The following ZMYND19 variants were observed in gnomAD, a reference collection of about 807,000 sequenced individuals.
The protein encoded by ZMYND19 is zinc finger MYND domain-containing protein 19.
ZMYND19 carries 17 observed loss-of-function variants against 32.0 expected under a neutral mutation model. That is an observed-to-expected ratio of 0.53 (90% CI 0.36 to 0.80). The LOEUF is 0.80. ZMYND19 is among the 30% of genes least tolerant of loss of function. The pLI, the probability that ZMYND19 is intolerant of heterozygous loss-of-function variation, is 0.00. For missense variants in ZMYND19, 250 were observed against 293.6 expected (o/e 0.85, Z 1.09); for synonymous variants, 124 against 113.6 (o/e 1.09, Z -0.58).
At chr9:137,586,579 G>A (rs1392382319) in intron 4 of ZMYND19, among the ~76,000 whole-genome samples, 1 of 150,198 alleles carries the variant, frequency 6.7e-6, no homozygotes, top group Non-Finnish European at 1.5e-5. Context: ...CCTGAGGTGA[G>A]CAGAGAAGGA....
rs1271837832 is a variant in ZMYND19, at chr9:137,590,131, G to C, written c.51+82C>G. 3 of 959,972 alleles carry C rather than the reference G, an allele frequency of 3.1e-6. No individual in the cohort carries two copies. The African/African-American group carries it at 6.8e-5, about 22-fold the overall frequency. The allele number at this position is 959,972 out of a possible 1,614,324, so 59.5% of individuals were successfully genotyped here. A position where few individuals can be genotyped will look rare whatever the true frequency, so the allele number is the denominator to read the frequency against. ...CGGGCTCCGCGCCCCCGCCCCGGCC[G>C]CCGCCCGCACAACCGCCCCCGGCCC... On this transcript the variant is annotated intron_variant, in intron 1 of 5. Transcript: ENST00000298585. The surrounding 1 kb of genome is among the most constrained non-coding windows in gnomAD (Gnocchi z 4.2).
chr9:137,588,534 C>A (rs775608682), intron 2 of ZMYND19, 125 bp downstream of exon 2: 1 of 1,080,740 alleles, frequency 9.3e-7, no homozygotes, highest in Admixed American at 1.9e-5. Flanking sequence ...GGCTCACAGG[C>A]CAGCACCAGT....
chr9:137,582,349 C>T lies in ZMYND19; in HGVS notation c.*194G>A, dbSNP rs980548190. On this transcript the variant is annotated 3_prime_UTR_variant, in exon 6 of 6. Transcript: ENST00000298585. ...GAACCGTCCTGGTGGGAGCCTCCTC[C>T]GTTGTCTCTGCTGGAGATGAACACT... is the stretch of plus-strand genomic sequence containing the variant. The T allele has an allele frequency of 7.4e-6, 5 of 675,174 alleles. No individual in the cohort carries two copies. Among genetic ancestry groups the T allele is most frequent in the African/African-American group, 3.6e-5 (2 of 54,902 alleles). The allele number at this position is 675,174 out of a possible 1,614,324, so 41.8% of individuals were successfully genotyped here. A position where few individuals can be genotyped will look rare whatever the true frequency, so the allele number is the denominator to read the frequency against.
chr9:137,589,897 A>T (rs1842251390), intron 1 of ZMYND19: 4 of 985,230 alleles, frequency 4.1e-6, no homozygotes, highest in South Asian at 9.4e-5. Context: ...GGGCTCCGGG[A>T]GAACGCGGCT....
rs182590583 is a variant in ZMYND19, at chr9:137,586,213, A to G, written c.359+754T>C. Among the ~76,000 whole-genome samples, 12 of 152,376 alleles carry G rather than the reference A, an allele frequency of 7.9e-5. No individual in the cohort carries two copies. The East Asian group carries it at 1.7e-3, about 22-fold the overall frequency. On this transcript the variant is annotated intron_variant, in intron 4 of 5. Coordinates refer to ENST00000298585, the MANE Select transcript of ZMYND19 (RefSeq NM_138462.3). The stretch of plus-strand genomic sequence containing the variant: ...TTTGCTTAAGGAAAACTGTTTAGCA[A>G]AAGAACACAACAAAAAGACCCATCT...
chr9:137,587,758 G>A lies in ZMYND19; in HGVS notation c.177C>T (p.Asn59=). 1.9e-6 allele frequency: 3 copies of A among 1,614,160 alleles called. No homozygotes were observed. Among genetic ancestry groups the A allele is most frequent in the Non-Finnish European group, 2.5e-6 (3 of 1,180,028 alleles). The part of the protein sequence containing the change: ...AKIFAYAFDK[N]RGRGSGRLLH... ...GGAGTCTCCCAGAGCCCCTTCCTCG[G>A]TTCTTGTCAAAGGCATAGGCAAATA... Residue 59 remains asparagine (N), a synonymous_variant, in exon 3 of 6, where the codon AAC becomes AAT. Transcript: ENST00000298585.
At chr9:137,584,726 T>C (rs1389191642) in intron 4 of ZMYND19, among the ~76,000 whole-genome samples, 1 of 152,068 alleles carries the variant, frequency 6.6e-6, no homozygotes, top group Non-Finnish European at 1.5e-5. Flanking sequence ...TGTAGAAAAG[T>C]GATTCTAAGC....
chr9:137,587,250 G>A (rs1325080668), intron 3 of ZMYND19, 143 bp from the exon 4 acceptor site: 1 of 1,365,522 alleles, frequency 7.3e-7, no homozygotes, highest in Admixed American at 2.5e-5. Context: ...TTTGGATGAG[G>A]GTACCTCAGG....
At chr9:137,587,876 A>G (rs552135878) in intron 2 of ZMYND19, 53 bp from the exon 3 acceptor site, 16 of 1,537,468 alleles carry the variant, frequency 1.0e-5, no homozygotes, top group East Asian at 4.5e-5. Context: ...TCTCAGCAAC[A>G]CTTCAATTCC....
chr9:137,582,903 G>A (rs1006381646), intron 5 of ZMYND19, 80 bp downstream of exon 5: 17 of 1,569,054 alleles, frequency 1.1e-5, no homozygotes, highest in Admixed American at 5.2e-5. Flanking sequence ...GGGACCCCGC[G>A]GTGGAGGGCA....
At chr9:137,585,349 G>A (rs1436534775) in intron 4 of ZMYND19, among the ~76,000 whole-genome samples, 1 of 151,050 alleles carries the variant, frequency 6.6e-6, no homozygotes, top group African/African-American at 2.4e-5. Context: ...GAACTGGGCA[G>A]GCAGAAGCTA....
intron 4 of ZMYND19, among the ~76,000 whole-genome samples, chr9:137,585,996 T>C (rs938372732): frequency 6.6e-6 from 1 of 152,218 alleles, no homozygotes; most frequent in African/African-American, 2.4e-5. Context: ...CTGGCTCAAC[T>C]GGGCTCCCAA....
chr9:137,588,855 G>A lies in ZMYND19; in HGVS notation c.52-137C>T, dbSNP rs977398852. Reference sequence around the variant, plus strand: ...GTAACTACAGGCCTCTTCAGACCAAGACAGCTCAGCACATGGGGGCCTCAT... The same window carrying A: ...GTAACTACAGGCCTCTTCAGACCAAAACAGCTCAGCACATGGGGGCCTCAT... On this transcript the variant is annotated intron_variant, in intron 1 of 5. Coordinates refer to ENST00000298585, the MANE Select transcript of ZMYND19 (RefSeq NM_138462.3). 1.8e-4 allele frequency: 167 copies of A among 925,004 alleles called. No homozygotes were observed. In the African/African-American group the frequency reaches 2.5e-3, roughly 14 times the overall value. The allele number at this position is 925,004 out of a possible 1,614,324, so 57.3% of individuals were successfully genotyped here.
At position 137,582,401 on chromosome 9, in the gene ZMYND19, C is replaced by T; in HGVS notation, c.*142G>A. On this transcript the variant is annotated 3_prime_UTR_variant, in exon 6 of 6. Transcript: ENST00000298585. ...AGGGGCGCTGTAACCACACAGACTG[C>T]CTGTGACATCGGGAGTCTCACGGCA... is the stretch of plus-strand genomic sequence containing the variant. The T allele has an allele frequency of 1.7e-6, 2 of 1,203,692 alleles. No homozygotes were observed. 74.6% of individuals were successfully genotyped at this position (1,203,692 alleles called of 1,614,324 possible). A position where few individuals can be genotyped will look rare whatever the true frequency, so the allele number is the denominator to read the frequency against.
At chr9:137,587,974 C>A (rs1443068261) in intron 2 of ZMYND19, 151 bp from the exon 3 acceptor site, 13 of 754,760 alleles carry the variant, frequency 1.7e-5, no homozygotes, top group Non-Finnish European at 2.5e-5. Flanking sequence ...GAGCTTCCCA[C>A]AGGCACATGG....
chr9:137,585,056 G>A (rs1350398915), intron 4 of ZMYND19, among the ~76,000 whole-genome samples: 1 of 152,192 alleles, frequency 6.6e-6, no homozygotes, highest in Non-Finnish European at 1.5e-5. Context: ...AGCAGTATGA[G>A]GAAGGTCAAA....
chr9:137,588,983 A>T (rs1193902653), intron 1 of ZMYND19: 8 of 485,686 alleles, frequency 1.6e-5, no homozygotes, highest in South Asian at 1.0e-4. Context: ...ATCAGGCTTC[A>T]TCCTCGCAGG....
At chr9:137,588,852 C>A in intron 1 of ZMYND19, 134 bp from the exon 2 acceptor site, 1 of 935,672 alleles carries the variant, frequency 1.1e-6, no homozygotes, top group Non-Finnish European at 1.7e-6. Flanking sequence ...CTCTTCAGAC[C>A]AAGACAGCTC....
chr9:137,587,918 CA>C (rs977708094), intron 2 of ZMYND19, 95 bp from the exon 3 acceptor site: 5 of 1,263,112 alleles, frequency 4.0e-6, no homozygotes, highest in Non-Finnish European at 5.8e-6. Flanking sequence ...ACAAGCAAGC[CA>C]GAGGGACAAA....
Sources: allele counts gnomAD v4.1 joint callset (sites outside exome capture counted in the v4.1 genomes callset), GRCh38; gene constraint gnomAD v4.1.1; non-coding constraint Gnocchi (gnomAD v3.1); transcripts MANE v1.5; gene names NCBI Gene and HGNC (gene_info 2026-07-23, HGNC 2026-07-21).